SLC5A3: variants seen among roughly 807,000 people sequenced by gnomAD.
SLC5A3 encodes sodium/myo-inositol cotransporter.
A neutral mutation model predicts 43.2 loss-of-function variants in SLC5A3; 10 were observed. That is an observed-to-expected ratio of 0.23 (90% CI 0.14 to 0.39). The LOEUF is 0.39. SLC5A3 is among the 10% of genes least tolerant of loss of function. The probability of loss-of-function intolerance (pLI) is 1.00; values close to 1 mark genes in which losing one functional copy is unlikely to be tolerated. For synonymous variants in SLC5A3, 349 were observed against 322.0 expected (o/e 1.08, Z -0.90); for missense variants, 608 against 893.4 (o/e 0.68, Z 4.07).
In SLC5A3 at chr21:34,103,677, G is replaced by A. The variant is rs1023423350; in HGVS notation, c.*6322G>A. On this transcript the variant is annotated 3_prime_UTR_variant, in exon 2 of 2. Coordinates refer to ENST00000381151, the MANE Select transcript of SLC5A3 (RefSeq NM_006933.7). ...CAGTCATAAAGGCCACCAGGTATTT[G>A]TCTCAGAGTTGCTATGAGCACTACA... The A allele has an allele frequency of 2.0e-6, 2 of 1,000,060 alleles. No individual in the cohort carries two copies. Among genetic ancestry groups the A allele is most frequent in the Admixed American group, 1.2e-4 (2 of 16,246 alleles). The allele number at this position is 1,000,060 out of a possible 1,614,324, so 61.9% of individuals were successfully genotyped here. A position where few individuals can be genotyped will look rare whatever the true frequency, so the allele number is the denominator to read the frequency against.
intron 1 of SLC5A3, among the ~76,000 whole-genome samples, chr21:34,088,615 C>A (rs558240287): frequency 2.0e-5 from 3 of 152,268 alleles, no homozygotes; most frequent in African/African-American, 7.2e-5. Flanking sequence ...CAGTAATGTC[C>A]TTTTCACTGA....
Position 34,099,092 on chromosome 21 carries a change from C to T in SLC5A3, c.*1737C>T. ...AATTGTCAGGTAGCATAGTGTCTTC[C>T]CATGATCAGGAGGCTTTCTGAAGGA... On this transcript the variant is annotated 3_prime_UTR_variant, in exon 2 of 2. Coordinates refer to ENST00000381151, the MANE Select transcript of SLC5A3 (RefSeq NM_006933.7). The T allele has an allele frequency of 7.0e-6, 7 of 999,510 alleles. No homozygotes were observed. Among genetic ancestry groups the T allele is most frequent in the Non-Finnish European group, 8.4e-6 (7 of 829,668 alleles). 61.9% of individuals were successfully genotyped at this position (999,510 alleles called of 1,614,324 possible). A position where few individuals can be genotyped will look rare whatever the true frequency, so the allele number is the denominator to read the frequency against.
rs1326532892 is a variant in SLC5A3 at position 34,099,220 on chromosome 21, T to G, written c.*1865T>G. On this transcript the variant is annotated 3_prime_UTR_variant, in exon 2 of 2. Coordinates refer to ENST00000381151, the MANE Select transcript of SLC5A3 (RefSeq NM_006933.7). ...TTTTTCTCAATTTTATTCTTGAGGTTTATAATTTGGGGGCCAAATAGATAG... is the reference window on the plus strand; with the variant it reads ...TTTTTCTCAATTTTATTCTTGAGGTGTATAATTTGGGGGCCAAATAGATAG... 1.0e-6 allele frequency: 1 copy of G among 1,000,106 alleles called. No homozygotes were observed. The highest frequency in any genetic ancestry group is 1.7e-5 in the African/African-American group (1 of 57,234). The allele number at this position is 1,000,106 out of a possible 1,614,324, so 62.0% of individuals were successfully genotyped here. A position where few individuals can be genotyped will look rare whatever the true frequency, so the allele number is the denominator to read the frequency against.
rs1979441865 is a variant in SLC5A3, at chr21:34,105,603, G to A, written c.*8248G>A. The A allele has an allele frequency of 6.0e-6, 6 of 999,778 alleles. No individual in the cohort carries two copies. Among genetic ancestry groups the A allele is most frequent in the Non-Finnish European group, 7.2e-6 (6 of 829,718 alleles). 61.9% of individuals were successfully genotyped at this position (999,778 alleles called of 1,614,324 possible). ...AGAGACCAGTTAGTACACTGGGGGT[G>A]TATATTGTGTACATGTGTCATTTTA... On this transcript the variant is annotated 3_prime_UTR_variant, in exon 2 of 2. Transcript: ENST00000381151.
chr21:34,100,681 A>T lies in SLC5A3; in HGVS notation c.*3326A>T. 1.4e-5 allele frequency: 14 copies of T among 1,000,170 alleles called. No individual in the cohort carries two copies. Among genetic ancestry groups the T allele is most frequent in the Non-Finnish European group, 1.7e-5 (14 of 829,942 alleles). The allele number at this position is 1,000,170 out of a possible 1,614,324, so 62.0% of individuals were successfully genotyped here. On this transcript the variant is annotated 3_prime_UTR_variant, in exon 2 of 2. Transcript: ENST00000381151. ...TAAGAACTGAGTTGAGGGGGTTGTT[A>T]TGCACTTCTGTAACTTGAGGCTAAG...
In SLC5A3 at chr21:34,101,928, G is replaced by T. The variant is rs1979255491; in HGVS notation, c.*4573G>T. 2.0e-6 allele frequency: 2 copies of T among 1,000,026 alleles called. No homozygotes were observed. Among genetic ancestry groups the T allele is most frequent in the African/African-American group, 1.7e-5 (1 of 57,208 alleles). The allele number at this position is 1,000,026 out of a possible 1,614,324, so 61.9% of individuals were successfully genotyped here. ...GAGCCCCTTTGAAATGATGGTGTCAGAGTGCAGAGAAACAATGGAGTTTTG... is the reference window on the plus strand; with the variant it reads ...GAGCCCCTTTGAAATGATGGTGTCATAGTGCAGAGAAACAATGGAGTTTTG... On this transcript the variant is annotated 3_prime_UTR_variant, in exon 2 of 2. Transcript: ENST00000381151.
chr21:34,097,583 G>T lies in SLC5A3; in HGVS notation c.*228G>T. On this transcript the variant is annotated 3_prime_UTR_variant, in exon 2 of 2. Transcript: ENST00000381151. ...CTAACAGACTGAATTGTGCAAATGT[G>T]GTTTTAAATTTTGCATACCAAAGTA... 2 of 1,269,724 alleles carry T rather than the reference G, an allele frequency of 1.6e-6. No individual in the cohort carries two copies. Among genetic ancestry groups the T allele is most frequent in the South Asian group, 2.5e-5 (1 of 40,526 alleles). The allele number at this position is 1,269,724 out of a possible 1,614,324, so 78.7% of individuals were successfully genotyped here. A position where few individuals can be genotyped will look rare whatever the true frequency, so the allele number is the denominator to read the frequency against.
In SLC5A3 at chr21:34,101,484, T is replaced by C; in HGVS notation, c.*4129T>C. 1.0e-6 allele frequency: 1 copy of C among 1,000,144 alleles called. No individual in the cohort carries two copies. Among genetic ancestry groups the C allele is most frequent in the Non-Finnish European group, 1.2e-6 (1 of 829,894 alleles). 62.0% of individuals were successfully genotyped at this position (1,000,144 alleles called of 1,614,324 possible). On this transcript the variant is annotated 3_prime_UTR_variant, in exon 2 of 2. Coordinates refer to ENST00000381151, the MANE Select transcript of SLC5A3 (RefSeq NM_006933.7). ...AGGCATTTCAGTGTTGATAATAGCCTGAGCAGACTTCTTTACAAATGGGAT... is the reference window on the plus strand; with the variant it reads ...AGGCATTTCAGTGTTGATAATAGCCCGAGCAGACTTCTTTACAAATGGGAT...
At chr21:34,094,639 A>AT (rs1978880771) in intron 1 of SLC5A3, among the ~76,000 whole-genome samples, 2 of 152,214 alleles carry the variant, frequency 1.3e-5, no homozygotes, top group African/African-American at 4.8e-5. Context: ...AGGTAGATGA[A>AT]TTTCTGTCCT....
chr21:34,104,085 T>C lies in SLC5A3; in HGVS notation c.*6730T>C. 2.0e-6 allele frequency: 2 copies of C among 1,000,114 alleles called. No individual in the cohort carries two copies. Among genetic ancestry groups the C allele is most frequent in the Non-Finnish European group, 2.4e-6 (2 of 829,946 alleles). 62.0% of individuals were successfully genotyped at this position (1,000,114 alleles called of 1,614,324 possible). A position where few individuals can be genotyped will look rare whatever the true frequency, so the allele number is the denominator to read the frequency against. On this transcript the variant is annotated 3_prime_UTR_variant, in exon 2 of 2. Coordinates refer to ENST00000381151, the MANE Select transcript of SLC5A3 (RefSeq NM_006933.7). Reference sequence around the variant, plus strand: ...GGCAAATACTACTTGTCTTTGATTTTTTTTGTGTACGTTTGTATGTGAGAG... The same window carrying C: ...GGCAAATACTACTTGTCTTTGATTTCTTTTGTGTACGTTTGTATGTGAGAG...
In SLC5A3 at chr21:34,100,126, T is replaced by C. The variant is rs771956399; in HGVS notation, c.*2771T>C. 1.5e-5 allele frequency: 15 copies of C among 999,276 alleles called. No individual in the cohort carries two copies. In the East Asian group the frequency reaches 4.5e-4, roughly 30 times the overall value. The allele number at this position is 999,276 out of a possible 1,614,324, so 61.9% of individuals were successfully genotyped here. A position where few individuals can be genotyped will look rare whatever the true frequency, so the allele number is the denominator to read the frequency against. On this transcript the variant is annotated 3_prime_UTR_variant, in exon 2 of 2. Transcript: ENST00000381151. ...TAAGGTTCAGAATTGAAGCTTGATATTGACTAGAATAGCTAAAAGTCAAAA... is the reference window on the plus strand; with the variant it reads ...TAAGGTTCAGAATTGAAGCTTGATACTGACTAGAATAGCTAAAAGTCAAAA...
In SLC5A3 at chr21:34,104,397, A is replaced by T. The variant is rs1487068857; in HGVS notation, c.*7042A>T. 5 of 1,000,074 alleles carry T rather than the reference A, an allele frequency of 5.0e-6. No homozygotes were observed. The highest frequency in any genetic ancestry group is 6.0e-6 in the Non-Finnish European group (5 of 829,960). The allele number at this position is 1,000,074 out of a possible 1,614,324, so 62.0% of individuals were successfully genotyped here. ...CACTTCACCTCCGAGTAGCTTGTTT[A>T]TCAAGAATGAATGAATGTCTTTGTC... On this transcript the variant is annotated 3_prime_UTR_variant, in exon 2 of 2. Transcript: ENST00000381151.
In SLC5A3 at chr21:34,097,075, C is replaced by T; in HGVS notation, c.1877C>T (p.Thr626Ile). ...VASLGHSEAE[T>I]PVDAYSNGQA... ...TCCTTAGGTCATTCAGAGGCAGAAA[C>T]ACCAGTTGACGCTTACTCCAATGGG... The change falls in exon 2 of 2, where the codon ACA becomes ATA. Residue 626 changes from threonine to isoleucine, a missense_variant. By Grantham distance (89) the Thr-to-Ile change is moderately conservative. Around this residue, in one of 2 missense-constraint regions of SLC5A3, gnomAD observed 210 missense variants for 224.8 expected, o/e 0.93. Coordinates refer to ENST00000381151, the MANE Select transcript of SLC5A3 (RefSeq NM_006933.7). 6.2e-7 allele frequency: 1 copy of T among 1,614,068 alleles called. No individual in the cohort carries two copies. Among genetic ancestry groups the T allele is most frequent in the Non-Finnish European group, 8.5e-7 (1 of 1,179,986 alleles).
At chr21:34,087,307 A>AAC (rs1556003415) in intron 1 of SLC5A3, among the ~76,000 whole-genome samples, 153 of 152,302 alleles carry the variant, frequency 1.0e-3, no homozygotes, top group Admixed American at 5.2e-3. Context: ...TGCTTAAAAA[A>AAC]CCACTGTTGA....
rs1979129012 is a variant in SLC5A3 at position 34,099,411 on chromosome 21, T to C, written c.*2056T>C. On this transcript the variant is annotated 3_prime_UTR_variant, in exon 2 of 2. Transcript: ENST00000381151. ...TTTTGTCCTGTTTTTTCAAAGGAAC[T>C]GTTCTTCCTTTGGGACAACCTTTTG... The C allele has an allele frequency of 2.0e-6, 2 of 999,396 alleles. No individual in the cohort carries two copies. The highest frequency in any genetic ancestry group is 1.7e-5 in the African/African-American group (1 of 57,242). 61.9% of individuals were successfully genotyped at this position (999,396 alleles called of 1,614,324 possible).
At position 34,097,273 on chromosome 21, in the gene SLC5A3, G is replaced by T; in HGVS notation, c.2075G>T (p.Arg692Leu). ...AVCLQMLEET[R>L]QVKVILNIGL... Reference sequence around the variant, plus strand: ...TGTTTACAGATGCTAGAAGAGACTCGGCAAGTTAAAGTAATACTAAATATT... The same window carrying T: ...TGTTTACAGATGCTAGAAGAGACTCTGCAAGTTAAAGTAATACTAAATATT... Residue 692 changes from arginine (R) to leucine (L), a missense_variant, in exon 2 of 2, where the codon CGG (arginine) becomes CTG (leucine). Physicochemically the swap from Arg to Leu is moderately radical, Grantham distance 102. This residue lies in a region of SLC5A3 where 210 missense variants were observed against 224.8 expected (regional missense o/e 0.93). Coordinates refer to ENST00000381151, the MANE Select transcript of SLC5A3 (RefSeq NM_006933.7). 1 of 1,613,782 alleles carries T rather than the reference G, an allele frequency of 6.2e-7. No individual in the cohort carries two copies. The highest frequency in any genetic ancestry group is 1.1e-5 in the South Asian group (1 of 91,024).
Position 34,101,591 on chromosome 21 carries a change from G to C in SLC5A3, c.*4236G>C. The C allele has an allele frequency of 2.0e-6, 2 of 1,000,094 alleles. No individual in the cohort carries two copies. Among genetic ancestry groups the C allele is most frequent in the Non-Finnish European group, 2.4e-6 (2 of 829,896 alleles). 62.0% of individuals were successfully genotyped at this position (1,000,094 alleles called of 1,614,324 possible). A position where few individuals can be genotyped will look rare whatever the true frequency, so the allele number is the denominator to read the frequency against. ...TGTCTTCCTTCACATTGCTGTGTCA[G>C]TTCTACACCTAGTCTTTTCAGCACT... On this transcript the variant is annotated 3_prime_UTR_variant, in exon 2 of 2. Transcript: ENST00000381151.
Position 34,096,289 on chromosome 21 carries a change from G to A in SLC5A3, c.1091G>A (p.Arg364Gln), listed in dbSNP as rs1978961469. ...ATGAAGCTGGTTCCTGTGGGCCTTC[G>A]GGGTTTAATGATGGCAGTGATGATT... ...LVMKLVPVGL[R>Q]GLMMAVMIAA... The change falls in exon 2 of 2, where the codon CGG becomes CAG. Residue 364 changes from arginine to glutamine, a missense_variant. Coordinates refer to ENST00000381151, the MANE Select transcript of SLC5A3 (RefSeq NM_006933.7). The surrounding 1 kb of genome is among the most constrained non-coding windows in gnomAD (Gnocchi z 5.9). 1.9e-6 allele frequency: 3 copies of A among 1,613,992 alleles called. No homozygotes were observed. The highest frequency in any genetic ancestry group is 1.3e-5 in the African/African-American group (1 of 74,916).
chr21:34,091,135 C>T (rs1475063420), intron 1 of SLC5A3, among the ~76,000 whole-genome samples: 2 of 152,168 alleles, frequency 1.3e-5, no homozygotes, highest in Non-Finnish European at 2.9e-5. Flanking sequence ...TCAAGCTTAC[C>T]ATTGACAGAG....
Sources: gnomAD v4.1 joint callset for allele counts (sites outside exome capture counted in the v4.1 genomes callset) on GRCh38, gnomAD v4.1.1 for gene constraint, gnomAD v4.1.1 regional missense constraint, Gnocchi (gnomAD v3.1) non-coding constraint, MANE v1.5 for transcripts, NCBI Gene and HGNC (gene_info 2026-07-23, HGNC 2026-07-21) for gene names.